Variants in DNER observed in about 807,000 individuals in gnomAD.
DNER encodes the protein delta/notch like EGF repeat containing.
DNER carries 33 observed loss-of-function variants against 78.2 expected under a neutral mutation model. The observed-to-expected ratio is 0.42, with a 90% CI of 0.32 to 0.56. The LOEUF (loss-of-function observed/expected upper bound fraction) is 0.56, where lower values mean the gene tolerates loss of function less well. Ranked by LOEUF, DNER falls within the 20% of genes least tolerant of loss-of-function variation. DNER has a pLI of 0.11. For synonymous variants in DNER, 417 were observed against 384.8 expected (o/e 1.08, Z -0.98); for missense variants, 918 against 975.3 (o/e 0.94, Z 0.78).
chr2:229,550,778 A>C (rs1345736970), intron 4 of DNER, among the ~76,000 whole-genome samples: 1 of 151,968 alleles, frequency 6.6e-6, no homozygotes, highest in Non-Finnish European at 1.5e-5. Flanking sequence ...TGTCTCAAAA[A>C]ATAAATAAAT....
chr2:229,468,696 C>T (rs936645146), intron 7 of DNER, among the ~76,000 whole-genome samples: 14 of 152,266 alleles, frequency 9.2e-5, no homozygotes, highest in African/African-American at 3.1e-4. Flanking sequence ...GCCAGCTCTG[C>T]GTGAATTACT....
intron 7 of DNER, among the ~76,000 whole-genome samples, chr2:229,472,277 C>T (rs1222336604): frequency 2.0e-5 from 3 of 152,158 alleles, no homozygotes; most frequent in East Asian, 1.9e-4. Flanking sequence ...TCTCTGATTG[C>T]CATATGTCTT....
chr2:229,673,919 T>A (rs1472569079), intron 1 of DNER, among the ~76,000 whole-genome samples: 1 of 152,130 alleles, frequency 6.6e-6, no homozygotes, highest in East Asian at 1.9e-4. Context: ...GCCAACAGAG[T>A]GCACTGGCCA....
At chr2:229,597,894 G>T (rs190186919) in intron 1 of DNER, among the ~76,000 whole-genome samples, 1 of 152,188 alleles carries the variant, frequency 6.6e-6, no homozygotes, top group Non-Finnish European at 1.5e-5. Flanking sequence ...AGTTCTGGGG[G>T]AATGGACTGA....
At chr2:229,546,786 C>CAGATAGAT (rs756832373) in intron 5 of DNER, among the ~76,000 whole-genome samples, 161 bp downstream of exon 5, 6 of 150,030 alleles carry the variant, frequency 4.0e-5, no homozygotes, top group African/African-American at 2.5e-5. Context: ...GACAGATAGA[C>CAGATAGAT]AGATAGATAG....
intron 8 of DNER, among the ~76,000 whole-genome samples, chr2:229,439,857 T>G (rs1694196596): frequency 6.6e-6 from 1 of 152,198 alleles, no homozygotes; most frequent in African/African-American, 2.4e-5. Context: ...CCAGGCAAGA[T>G]GACGTAAAAT....
intron 7 of DNER, among the ~76,000 whole-genome samples, chr2:229,467,236 T>A (rs575610519): frequency 6.6e-6 from 1 of 152,250 alleles, no homozygotes; most frequent in Admixed American, 6.5e-5. Flanking sequence ...ATTAGGCCAA[T>A]TTTAAAGAAG....
At chr2:229,585,769 G>T in intron 4 of DNER, 89 bp downstream of exon 4, 1 of 1,424,744 alleles carries the variant, frequency 7.0e-7, no homozygotes, top group South Asian at 1.3e-5. Flanking sequence ...CAGATTATCT[G>T]AGCAAAATTC....
intron 1 of DNER, among the ~76,000 whole-genome samples, chr2:229,626,333 C>T (rs1698344237): frequency 6.6e-6 from 1 of 152,198 alleles, no homozygotes; most frequent in Admixed American, 6.5e-5. Context: ...CCATTACATG[C>T]AACTCCGAAC....
At chr2:229,510,938 A>G (rs1291735937) in intron 6 of DNER, among the ~76,000 whole-genome samples, 1 of 152,212 alleles carries the variant, frequency 6.6e-6, no homozygotes, top group Non-Finnish European at 1.5e-5. Context: ...TTTTAAAAAC[A>G]TGTAGAAAAA....
At chr2:229,505,030 C>T (rs1314389910) in intron 6 of DNER, among the ~76,000 whole-genome samples, 1 of 152,158 alleles carries the variant, frequency 6.6e-6, no homozygotes, top group Non-Finnish European at 1.5e-5. Flanking sequence ...TGAAGGCCAC[C>T]TCTTGAGGAT....
At chr2:229,361,956 C>T (rs550710886) in intron 12 of DNER, among the ~76,000 whole-genome samples, 3 of 152,218 alleles carry the variant, frequency 2.0e-5, no homozygotes, top group African/African-American at 7.2e-5. Context: ...CATGTTCCCA[C>T]CTGAAGTAGC....
chr2:229,526,494 G>A (rs1052829575), intron 5 of DNER, among the ~76,000 whole-genome samples: 4 of 152,166 alleles, frequency 2.6e-5, no homozygotes, highest in South Asian at 4.1e-4. Context: ...GACCAGTTTC[G>A]CGGAAGACAA....
chr2:229,668,184 G>C (rs972736897), intron 1 of DNER, among the ~76,000 whole-genome samples: 6 of 152,046 alleles, frequency 3.9e-5, no homozygotes, highest in Non-Finnish European at 8.8e-5. Flanking sequence ...ACCTAGGGGA[G>C]ATGTTACCAT....
At chr2:229,503,080 T>C (rs1695654320) in intron 6 of DNER, among the ~76,000 whole-genome samples, 1 of 152,198 alleles carries the variant, frequency 6.6e-6, no homozygotes, top group African/African-American at 2.4e-5. Flanking sequence ...GTCCTTGTAC[T>C]AGGGCCACAA....
intron 9 of DNER, among the ~76,000 whole-genome samples, chr2:229,409,098 T>C (rs1326518127): frequency 6.6e-6 from 1 of 152,222 alleles, no homozygotes; most frequent in Admixed American, 6.5e-5. Context: ...AAGATTAGCA[T>C]AAATCTGGTC....
chr2:229,541,273 G>T (rs11892242), intron 5 of DNER, among the ~76,000 whole-genome samples: 5 of 152,092 alleles, frequency 3.3e-5, no homozygotes, highest in African/African-American at 1.2e-4. Flanking sequence ...AAAACCTAAC[G>T]TTGGGGGAAA....
At chr2:229,516,865 T>A (rs1324800508) in intron 5 of DNER, among the ~76,000 whole-genome samples, 1 of 150,746 alleles carries the variant, frequency 6.6e-6, no homozygotes, top group African/African-American at 2.4e-5. Context: ...CCCAGCATTT[T>A]GGGAGGCCGA....
intron 4 of DNER, among the ~76,000 whole-genome samples, chr2:229,566,569 C>T (rs557642987): frequency 5.3e-5 from 8 of 152,240 alleles, no homozygotes; most frequent in South Asian, 4.1e-4. Flanking sequence ...ATTTGCATCA[C>T]GGGTGCTGTC....
Sources: gnomAD v4.1 joint callset for allele counts (sites outside exome capture counted in the v4.1 genomes callset) on GRCh38, gnomAD v4.1.1 for gene constraint, MANE v1.5 for transcripts, NCBI Gene and HGNC (gene_info 2026-07-23, HGNC 2026-07-21) for gene names.